Variants in HS3ST2 observed in about 807,000 individuals in gnomAD.
HS3ST2 encodes heparan sulfate-glucosamine 3-sulfotransferase 2.
Under a neutral mutation model 26.3 loss-of-function variants are expected in HS3ST2, and 17 were observed. That is an observed-to-expected ratio of 0.65 (90% confidence interval 0.44 to 0.97). HS3ST2 has a LOEUF of 0.97. Ranked by LOEUF, HS3ST2 falls within the 50% of genes least tolerant of loss-of-function variation. The probability of loss-of-function intolerance (pLI) is 0.00; values close to 1 mark genes in which losing one functional copy is unlikely to be tolerated. For synonymous variants in HS3ST2, 237 were observed against 219.2 expected (o/e 1.08, Z -0.72); for missense variants, 402 against 501.2 (o/e 0.80, Z 1.89).
At chr16:22,842,062 C>CTTT (rs11285807) in intron 1 of HS3ST2, among the ~76,000 whole-genome samples, 11 of 111,758 alleles carry the variant, frequency 9.8e-5, no homozygotes, top group East Asian at 2.4e-4. Context: ...TCTTTTCTTT[C>CTTT]TTTTTTTTTT....
intron 1 of HS3ST2, chr16:22,833,226 A>T: frequency 2.2e-6 from 1 of 456,092 alleles, no homozygotes; most frequent in Non-Finnish European, 4.4e-6. Context: ...GCATTCTTCC[A>T]TAACCCCCAT....
rs1245500707 is a variant in HS3ST2, at chr16:22,814,991, C to G, written c.381C>G (p.Thr127=). 1.2e-6 allele frequency: 2 copies of G among 1,613,010 alleles called. No individual in the cohort carries two copies. Among genetic ancestry groups the G allele is most frequent in the Non-Finnish European group, 1.7e-6 (2 of 1,179,972 alleles). Residue 127 remains threonine (T), a synonymous_variant, in exon 1 of 2, where the codon ACC becomes ACG. Coordinates refer to ENST00000261374, the MANE Select transcript of HS3ST2 (RefSeq NM_006043.2). ...ALIVGVKKGG[T]RAVLEFIRVH... ...TTGTGGGCGTGAAGAAGGGGGGCACCCGGGCCGTGCTGGAGTTTATCCGAG... is the reference window on the plus strand; with the variant it reads ...TTGTGGGCGTGAAGAAGGGGGGCACGCGGGCCGTGCTGGAGTTTATCCGAG...
intron 1 of HS3ST2, among the ~76,000 whole-genome samples, chr16:22,872,840 A>G (rs1901855966): frequency 6.6e-6 from 1 of 152,152 alleles, no homozygotes; most frequent in South Asian, 2.1e-4. Context: ...GTTGGTTTAT[A>G]AGAGTCACAT....
intron 1 of HS3ST2, among the ~76,000 whole-genome samples, chr16:22,879,269 A>G (rs1036640031): frequency 7.9e-5 from 12 of 152,184 alleles, no homozygotes; most frequent in Non-Finnish European, 1.8e-4. Flanking sequence ...TTGGATTCCA[A>G]CAGAATCCAC....
At chr16:22,882,601 G>A (rs1012696070) in intron 1 of HS3ST2, among the ~76,000 whole-genome samples, 1 of 152,164 alleles carries the variant, frequency 6.6e-6, no homozygotes, top group East Asian at 1.9e-4. Context: ...GGGCATGGTG[G>A]CATGCGCCTA....
chr16:22,884,361 T>C (rs1902031394), intron 1 of HS3ST2, among the ~76,000 whole-genome samples: 1 of 152,170 alleles, frequency 6.6e-6, no homozygotes, highest in African/African-American at 2.4e-5. Context: ...TGGGCTGACT[T>C]TTAAACCCAG....
chr16:22,830,997 A>G (rs1301488071), intron 1 of HS3ST2, among the ~76,000 whole-genome samples: 1 of 152,248 alleles, frequency 6.6e-6, no homozygotes, highest in Admixed American at 6.5e-5. Context: ...ATGCAGTTCA[A>G]TTCCAGCCCA....
chr16:22,905,251 C>T (rs145701517), intron 1 of HS3ST2, among the ~76,000 whole-genome samples: 5 of 152,194 alleles, frequency 3.3e-5, no homozygotes, highest in South Asian at 2.1e-4. Context: ...GATGATGGCC[C>T]GACATCAGGC....
chr16:22,913,102 AAAGAAAGAAAGAG>A (rs1902443390), intron 1 of HS3ST2, among the ~76,000 whole-genome samples: 1 of 144,532 alleles, frequency 6.9e-6, no homozygotes, highest in Non-Finnish European at 1.5e-5. Flanking sequence ...TTTAAAAAAG[AAAGAAAGAAAGAG>A]AAGAAAGAAA....
At chr16:22,859,198 A>G (rs923243753) in intron 1 of HS3ST2, among the ~76,000 whole-genome samples, 5 of 151,936 alleles carry the variant, frequency 3.3e-5, no homozygotes, top group Admixed American at 6.6e-5. Context: ...CTTTATCCTT[A>G]TTTTTCTATT....
At chr16:22,843,885 G>C (rs1901394706) in intron 1 of HS3ST2, among the ~76,000 whole-genome samples, 1 of 151,598 alleles carries the variant, frequency 6.6e-6, no homozygotes. Flanking sequence ...TCCTGCCTTG[G>C]GGCAGGCAAG....
At chr16:22,883,448 G>A (rs1303766958) in intron 1 of HS3ST2, among the ~76,000 whole-genome samples, 1 of 152,240 alleles carries the variant, frequency 6.6e-6, no homozygotes, top group Admixed American at 6.5e-5. Context: ...TATTTGAAAA[G>A]CTGTTATGTG....
At chr16:22,913,124 AAGG>A (rs1902444276) in intron 1 of HS3ST2, among the ~76,000 whole-genome samples, 2 of 43,708 alleles carry the variant, frequency 4.6e-5, no homozygotes, top group South Asian at 1.8e-3. Flanking sequence ...AGAAGAAAGA[AAGG>A]AAGGAAGGAA....
intron 1 of HS3ST2, among the ~76,000 whole-genome samples, chr16:22,859,902 A>C (rs577148886): frequency 1.3e-5 from 2 of 152,218 alleles, no homozygotes; most frequent in Admixed American, 6.5e-5. Context: ...TGGATGCAGA[A>C]TGGGAGGGGT....
chr16:22,843,718 C>T lies in HS3ST2; in HGVS notation c.485+28623C>T, dbSNP rs150178700. On this transcript the variant is annotated intron_variant, in intron 1 of 1. Transcript: ENST00000261374. ...TCTTCTTCACCTTCCTGTCTGCCTC[C>T]GTGTGTTTAGCTCTCTGGAAACTCC... Among the ~76,000 whole-genome samples the T allele has an allele frequency of 1.8e-3, 270 of 152,256 alleles. 1 individual carries two copies. Among genetic ancestry groups the T allele is most frequent in the Non-Finnish European group, 2.6e-3 (174 of 68,028 alleles).
At chr16:22,893,815 C>T (rs996919373) in intron 1 of HS3ST2, among the ~76,000 whole-genome samples, 1 of 151,560 alleles carries the variant, frequency 6.6e-6, no homozygotes, top group African/African-American at 2.4e-5. Flanking sequence ...TTTGAAGCAG[C>T]GTCCCACTGT....
intron 1 of HS3ST2, among the ~76,000 whole-genome samples, chr16:22,907,073 G>A (rs545686831): frequency 1.3e-5 from 2 of 152,180 alleles, no homozygotes; most frequent in African/African-American, 4.8e-5. Context: ...GTTTGGATTT[G>A]GAAATGCGAG....
Position 22,914,894 on chromosome 16 carries a change from C to T in HS3ST2, c.486-50C>T, listed in dbSNP as rs539382884. 2.8e-4 allele frequency: 430 copies of T among 1,554,114 alleles called. 13 individuals are homozygous for T. The South Asian group carries it at 5.1e-3, about 18-fold the overall frequency. ...AGGGCTGATGTAGCTGGGCCTGAGG[C>T]CTGGCCCCAGGGAAACCTATTTGAT... On this transcript the variant is annotated intron_variant, in intron 1 of 1. Transcript: ENST00000261374.
intron 1 of HS3ST2, among the ~76,000 whole-genome samples, chr16:22,855,696 GTCTC>G (rs3078722): frequency 0.021 from 3,043 of 143,008 alleles, 42 homozygotes; most frequent in African/African-American, 0.029. Context: ...CTGTCTCTCT[GTCTC>G]TCTCTCTCTC....
Sources: gnomAD v4.1 joint callset for allele counts (sites outside exome capture counted in the v4.1 genomes callset) on GRCh38, gnomAD v4.1.1 for gene constraint, MANE v1.5 for transcripts, NCBI Gene and HGNC (gene_info 2026-07-23, HGNC 2026-07-21) for gene names.